The following TTLL5 variants were observed in gnomAD, a reference collection of about 807,000 sequenced individuals.
TTLL5 encodes the protein tubulin polyglutamylase TTLL5.
A neutral mutation model predicts 168.4 loss-of-function variants in TTLL5; 132 were observed. The ratio of observed to expected loss-of-function variants is 0.78; its 90% CI spans 0.68 to 0.91. TTLL5 has a LOEUF of 0.91. TTLL5 is among the 40% of genes least tolerant of loss of function. TTLL5 has a pLI of 0.00. For missense variants in TTLL5, 1,545 were observed against 1,581.5 expected (o/e 0.98, Z 0.39); for synonymous variants, 546 against 558.6 (o/e 0.98, Z 0.32).
At chr14:75,668,339 G>A (rs1459153836) in intron 2 of TTLL5, among the ~76,000 whole-genome samples, 1 of 152,190 alleles carries the variant, frequency 6.6e-6, no homozygotes, top group Admixed American at 6.5e-5. Context: ...TACTTAACCA[G>A]CTATATGACC....
intron 2 of TTLL5, among the ~76,000 whole-genome samples, chr14:75,666,741 C>G (rs1883291321): frequency 6.6e-6 from 1 of 152,144 alleles, no homozygotes; most frequent in Non-Finnish European, 1.5e-5. Context: ...AGCAAGAATG[C>G]AAAAGCTGCT....
chr14:75,837,933 A>G (rs989470239), intron 28 of TTLL5, among the ~76,000 whole-genome samples: 1 of 152,158 alleles, frequency 6.6e-6, no homozygotes, highest in Non-Finnish European at 1.5e-5. Flanking sequence ...ATCTTGATAG[A>G]CACTTGGTTT....
intron 27 of TTLL5, chr14:75,818,550 T>TGC: frequency 2.9e-6 from 1 of 341,862 alleles, no homozygotes; most frequent in Non-Finnish European, 5.6e-6. Flanking sequence ...TGCAGTGGCA[T>TGC]GATCTCTTCT....
intron 29 of TTLL5, among the ~76,000 whole-genome samples, chr14:75,865,494 C>T (rs561542908): frequency 1.3e-5 from 2 of 152,144 alleles, no homozygotes; most frequent in Middle Eastern, 3.4e-3. Flanking sequence ...ACCTTCATAA[C>T]AAACCTGAGC....
Position 75,752,873 on chromosome 14 carries a change from T to A in TTLL5, c.1488-20T>A. 1 of 1,610,296 alleles carries A rather than the reference T, an allele frequency of 6.2e-7. No individual in the cohort carries two copies. ...TTGAACTAGCTTAAGAAATAACCAGTTTCTTTCTTTGCTTTTCAGGTCCTA... is the reference window on the plus strand; with the variant it reads ...TTGAACTAGCTTAAGAAATAACCAGATTCTTTCTTTGCTTTTCAGGTCCTA... On this transcript the variant is annotated intron_variant, in intron 17 of 31. Transcript: ENST00000298832.
In TTLL5 at chr14:75,863,924, A is replaced by AG; in HGVS notation, c.3522+62_3522+63insG. The AG allele has an allele frequency of 6.8e-6, 9 of 1,329,520 alleles. No homozygotes were observed. The East Asian group carries it at 1.4e-4, about 21-fold the overall frequency. 82.4% of individuals were successfully genotyped at this position (1,329,520 alleles called of 1,614,324 possible). On this transcript the variant is annotated intron_variant, in intron 29 of 31. Coordinates refer to ENST00000298832, the MANE Select transcript of TTLL5 (RefSeq NM_015072.5). ...TCCTGCTGTTGGTAAAAAAAAAAAA[A>AG]AAAAAAAAAAGGTCAGTGAATGAGA...
intron 27 of TTLL5, among the ~76,000 whole-genome samples, chr14:75,802,925 A>G (rs903556186): frequency 3.3e-5 from 5 of 152,234 alleles, no homozygotes; most frequent in Admixed American, 3.3e-4. Context: ...GGGGAGAAAC[A>G]GTTTACAGAA....
intron 23 of TTLL5, 40 bp downstream of exon 23, chr14:75,776,890 A>G: frequency 1.4e-6 from 2 of 1,468,518 alleles, no homozygotes; most frequent in Non-Finnish European, 1.9e-6. Context: ...GTCTTATTCC[A>G]TCTTCCATAA....
chr14:75,683,113 C>T (rs1364067106), intron 4 of TTLL5, among the ~76,000 whole-genome samples: 1 of 152,148 alleles, frequency 6.6e-6, no homozygotes, highest in Non-Finnish European at 1.5e-5. Context: ...TGTCTTGTTG[C>T]TGTTTTATTT....
At chr14:75,763,251 C>CTGTG (rs1308717196) in intron 18 of TTLL5, among the ~76,000 whole-genome samples, 1 of 33,868 alleles carries the variant, frequency 3.0e-5, no homozygotes, top group East Asian at 1.2e-3. Flanking sequence ...CTATAGCTCT[C>CTGTG]TCTCTGTGTG....
At chr14:75,798,337 TTTC>T (rs1893102949) in intron 27 of TTLL5, among the ~76,000 whole-genome samples, 1 of 152,080 alleles carries the variant, frequency 6.6e-6, no homozygotes, top group Non-Finnish European at 1.5e-5. Context: ...TCTCTCTTCT[TTTC>T]TTCTTCTCTT....
chr14:75,680,691 C>T (rs866449774), intron 3 of TTLL5, among the ~76,000 whole-genome samples: 2 of 142,932 alleles, frequency 1.4e-5, no homozygotes, highest in South Asian at 2.2e-4. Flanking sequence ...GGCATGATCT[C>T]GGCGCTCACT....
chr14:75,691,946 C>G (rs1594878638), intron 6 of TTLL5, among the ~76,000 whole-genome samples: 1 of 152,196 alleles, frequency 6.6e-6, no homozygotes, highest in Non-Finnish European at 1.5e-5. Flanking sequence ...GTTTGTTGCT[C>G]TATCTGGGGC....
chr14:75,663,345 C>T, intron 2 of TTLL5, 122 bp downstream of exon 2: 1 of 963,926 alleles, frequency 1.0e-6, no homozygotes, highest in Non-Finnish European at 1.5e-6. Context: ...TAGTGTCATT[C>T]CTTGGGGATT....
At chr14:75,912,676 G>A (rs2033440224) in intron 31 of TTLL5, among the ~76,000 whole-genome samples, 1 of 152,112 alleles carries the variant, frequency 6.6e-6, no homozygotes, top group South Asian at 2.1e-4. Context: ...AATACTCCAG[G>A]GAAAGTCAAG....
At position 75,886,668 on chromosome 14, in the gene TTLL5, T is replaced by C. The variant is rs747769722; in HGVS notation, c.3740+3766T>C. The C allele has an allele frequency of 2.5e-6, 4 of 1,593,896 alleles. No individual in the cohort carries two copies. In the African/African-American group the frequency reaches 4.0e-5, roughly 16 times the overall value. On this transcript the variant is annotated intron_variant, in intron 30 of 31. Transcript: ENST00000298832. ...GTGCCAATAATCTTTCTTGATTTTC[T>C]TCTCCAATGTTTGCAACACTTCATA... is the stretch of plus-strand genomic sequence containing the variant.
intron 31 of TTLL5, among the ~76,000 whole-genome samples, chr14:75,930,901 AC>A (rs746712478): frequency 4.3e-4 from 65 of 152,322 alleles, no homozygotes; most frequent in Non-Finnish European, 7.1e-4. Flanking sequence ...TTGGTCTTTA[AC>A]AACACTGAGT....
At chr14:75,827,776 T>C (rs1374299588) in intron 28 of TTLL5, among the ~76,000 whole-genome samples, 1 of 140,162 alleles carries the variant, frequency 7.1e-6, no homozygotes, top group African/African-American at 2.6e-5. Flanking sequence ...CTGAAGCTCA[T>C]TGGCATGATC....
At chr14:75,852,899 T>C (rs1470610291) in intron 28 of TTLL5, among the ~76,000 whole-genome samples, 1 of 152,218 alleles carries the variant, frequency 6.6e-6, no homozygotes. Flanking sequence ...AATTTACCTT[T>C]TACATTAAGA....
Sources: allele counts gnomAD v4.1 joint callset (sites outside exome capture counted in the v4.1 genomes callset), GRCh38; gene constraint gnomAD v4.1.1; transcripts MANE v1.5; gene names NCBI Gene and HGNC (gene_info 2026-07-23, HGNC 2026-07-21).